CFAP43: variants seen among roughly 807,000 people sequenced by gnomAD.
The protein encoded by CFAP43 is cilia and flagella associated protein 43.
A neutral mutation model predicts 218.9 loss-of-function variants in CFAP43; 155 were observed. The observed-to-expected ratio is 0.71, with a 90% CI of 0.62 to 0.81. The LOEUF is 0.81. Among genes scored for constraint, CFAP43 ranks in the 30% least tolerant of loss-of-function variants. The pLI, the probability that CFAP43 is intolerant of heterozygous loss-of-function variation, is 0.00. For synonymous variants in CFAP43, 645 were observed against 681.3 expected (o/e 0.95, Z 0.83); for missense variants, 1,778 against 1,954.3 (o/e 0.91, Z 1.70).
intron 7 of CFAP43, among the ~76,000 whole-genome samples, chr10:104,205,212 CAAAAAAAAAAAAAA>C (rs71022723): frequency 1.6e-4 from 9 of 56,572 alleles, no homozygotes; most frequent in Admixed American, 2.1e-4. Flanking sequence ...GACTCCGTCT[CAAAAAAAAAAAAAA>C]AAAAAAAAAG....
At chr10:104,176,879 T>TA (rs1444205467) in intron 19 of CFAP43, among the ~76,000 whole-genome samples, 1 of 152,186 alleles carries the variant, frequency 6.6e-6, no homozygotes, top group Non-Finnish European at 1.5e-5. Flanking sequence ...ATAGGCTAGC[T>TA]AACTCTAATT....
chr10:104,143,707 G>A, intron 31 of CFAP43, 68 bp from the exon 32 acceptor site: 1 of 1,471,476 alleles, frequency 6.8e-7, no homozygotes, highest in Non-Finnish European at 9.4e-7. Flanking sequence ...GAAACAATTA[G>A]GCCCTTAGCA....
At chr10:104,196,832 C>T (rs375770359) in intron 10 of CFAP43, 21 bp downstream of exon 10, 43 of 1,559,580 alleles carry the variant, frequency 2.8e-5, no homozygotes, top group Non-Finnish European at 3.6e-5. Context: ...TTTTTAAAAT[C>T]CATTTATCAA....
At chr10:104,212,644 C>G (rs1258305186) in intron 4 of CFAP43, among the ~76,000 whole-genome samples, 1 of 152,094 alleles carries the variant, frequency 6.6e-6, no homozygotes, top group Non-Finnish European at 1.5e-5. Flanking sequence ...ACACTGTAGA[C>G]TAAAATAAAT....
At chr10:104,189,175 G>A (rs914911787) in intron 12 of CFAP43, among the ~76,000 whole-genome samples, 5 of 151,832 alleles carry the variant, frequency 3.3e-5, no homozygotes, top group Non-Finnish European at 7.4e-5. Context: ...TGTGATTTTT[G>A]AGCCCATTCC....
intron 10 of CFAP43, 37 bp from the exon 11 acceptor site, chr10:104,194,051 T>C (rs1186343235): frequency 2.5e-6 from 4 of 1,606,040 alleles, no homozygotes. Flanking sequence ...ATCTCTATTG[T>C]GCCTGCTCTC....
rs2089232696 is a variant in CFAP43, at chr10:104,167,743, G to A, written c.2692-6C>T. 2.5e-6 allele frequency: 4 copies of A among 1,589,520 alleles called. No homozygotes were observed. Among genetic ancestry groups the A allele is most frequent in the Non-Finnish European group, 3.4e-6 (4 of 1,169,710 alleles). On this transcript the variant is annotated splice_region_variant and splice_polypyrimidine_tract_variant and intron_variant, in intron 21 of 37. Transcript: ENST00000357060. ...ACACAGGGGATATGAAAACACTTGG[G>A]GAAAAAAACGCAAGACAAAATAAAT...
chr10:104,229,391 G>A (rs541534368), intron 2 of CFAP43, among the ~76,000 whole-genome samples: 3 of 151,886 alleles, frequency 2.0e-5, no homozygotes, highest in South Asian at 2.1e-4. Flanking sequence ...AGTGGCTCAC[G>A]CCTGTAATCC....
Position 104,166,374 on chromosome 10 carries a change from C to T in CFAP43, c.3039+114G>A, listed in dbSNP as rs1017317313. On this transcript the variant is annotated intron_variant, in intron 23 of 37. Transcript: ENST00000357060. ...GGTGTGAGCCACTGTGCCCAGCCTCCTCTATGTATTTTTAAATCATCATTT... is the reference window on the plus strand; with the variant it reads ...GGTGTGAGCCACTGTGCCCAGCCTCTTCTATGTATTTTTAAATCATCATTT... The T allele has an allele frequency of 1.0e-5, 8 of 778,498 alleles. No individual in the cohort carries two copies. The Admixed American group carries it at 1.4e-4, about 13-fold the overall frequency. The allele number at this position is 778,498 out of a possible 1,614,324, so 48.2% of individuals were successfully genotyped here. A position where few individuals can be genotyped will look rare whatever the true frequency, so the allele number is the denominator to read the frequency against.
chr10:104,223,812 C>T (rs939688601), intron 3 of CFAP43, among the ~76,000 whole-genome samples: 1 of 152,110 alleles, frequency 6.6e-6, no homozygotes, highest in Non-Finnish European at 1.5e-5. Flanking sequence ...TATGGTATAT[C>T]CATACCATGG....
chr10:104,219,881 C>T (rs938329517), intron 3 of CFAP43, among the ~76,000 whole-genome samples: 5 of 152,156 alleles, frequency 3.3e-5, no homozygotes, highest in African/African-American at 1.2e-4. Flanking sequence ...TCTTTCTTCT[C>T]GTCACAAGGC....
At chr10:104,211,048 C>T (rs1461995963) in intron 5 of CFAP43, among the ~76,000 whole-genome samples, 1 of 152,006 alleles carries the variant, frequency 6.6e-6, no homozygotes, top group Non-Finnish European at 1.5e-5. Flanking sequence ...GTCTCGGCCT[C>T]CCAAAGGAAA....
chr10:104,228,797 CTT>C (rs890200811), intron 2 of CFAP43, among the ~76,000 whole-genome samples: 4 of 152,154 alleles, frequency 2.6e-5, no homozygotes, highest in Admixed American at 2.6e-4. Context: ...ACTGAGCATT[CTT>C]TTGTTAGTCC....
chr10:104,147,532 C>T (rs1741142701), intron 29 of CFAP43, among the ~76,000 whole-genome samples: 1 of 152,086 alleles, frequency 6.6e-6, no homozygotes, highest in Admixed American at 6.6e-5. Context: ...AAAACATTCC[C>T]TAGGTAAGAG....
At chr10:104,226,219 A>C (rs1308253501) in intron 2 of CFAP43, among the ~76,000 whole-genome samples, 1 of 152,168 alleles carries the variant, frequency 6.6e-6, no homozygotes, top group Non-Finnish European at 1.5e-5. Context: ...CCACAGGTGC[A>C]AGCTTTGCCC....
intron 8 of CFAP43, chr10:104,203,423 G>A (rs945079860): frequency 2.5e-6 from 1 of 407,710 alleles, no homozygotes; most frequent in African/African-American, 2.1e-5. Context: ...AAAAAAACAA[G>A]GCTTGGTGGC....
chr10:104,168,064 G>A (rs547708646), intron 21 of CFAP43, among the ~76,000 whole-genome samples: 94 of 152,034 alleles, frequency 6.2e-4, no homozygotes, highest in Non-Finnish European at 1.2e-3. Flanking sequence ...TACTGGAGGC[G>A]AACAATGCTA....
intron 24 of CFAP43, 93 bp downstream of exon 24, chr10:104,164,001 A>G (rs2089016091): frequency 7.8e-7 from 1 of 1,280,932 alleles, no homozygotes. Flanking sequence ...TACCCAGTAC[A>G]ATCACTTCCC....
intron 5 of CFAP43, among the ~76,000 whole-genome samples, chr10:104,211,748 C>T (rs867957092): frequency 5.3e-5 from 8 of 152,196 alleles, no homozygotes; most frequent in Admixed American, 4.6e-4. Context: ...CTTCCCTGCA[C>T]CCCAAATTGA....
Sources: allele counts gnomAD v4.1 joint callset (sites outside exome capture counted in the v4.1 genomes callset), GRCh38; gene constraint gnomAD v4.1.1; transcripts MANE v1.5; gene names NCBI Gene and HGNC (gene_info 2026-07-23, HGNC 2026-07-21).